The following ZBTB7C variants were observed in gnomAD, a reference collection of about 807,000 sequenced individuals.
ZBTB7C encodes the protein zinc finger and BTB domain-containing protein 7C.
In ZBTB7C, 8 loss-of-function variants were observed where a neutral mutation model predicts 25.7. The observed-to-expected ratio is 0.31, with a 90% CI of 0.18 to 0.56. The LOEUF (loss-of-function observed/expected upper bound fraction) is 0.56, where lower values mean the gene tolerates loss of function less well. Among genes scored for constraint, ZBTB7C ranks in the 20% least tolerant of loss-of-function variants. The pLI is 0.91. For synonymous variants in ZBTB7C, 394 were observed against 369.0 expected, an observed-to-expected ratio of 1.07 and a Z score of -0.78; for missense variants, 824 against 855.2, an observed-to-expected ratio of 0.96 and a Z score of 0.46.
intron 2 of ZBTB7C, among the ~76,000 whole-genome samples, chr18:48,288,871 T>C (rs1263393859): frequency 1.3e-5 from 2 of 152,222 alleles, no homozygotes; most frequent in African/African-American, 4.8e-5. Flanking sequence ...TTTATGGTAC[T>C]TTGTTACAGC....
At chr18:48,114,886 A>AT (rs2039375370) in intron 3 of ZBTB7C, among the ~76,000 whole-genome samples, 1 of 152,198 alleles carries the variant, frequency 6.6e-6, no homozygotes, top group South Asian at 2.1e-4. Flanking sequence ...ATAACTAACA[A>AT]TTTTTTTCCG....
At chr18:48,333,475 A>C (rs2046386593) in intron 2 of ZBTB7C, among the ~76,000 whole-genome samples, 1 of 152,204 alleles carries the variant, frequency 6.6e-6, no homozygotes, top group Admixed American at 6.5e-5. Flanking sequence ...ATGCCCATTT[A>C]ATAGAGGAGA....
At position 48,122,427 on chromosome 18, in the gene ZBTB7C, T is replaced by C. The variant is rs755503957; in HGVS notation, c.-17+63507A>G. Among the ~76,000 whole-genome samples the C allele has an allele frequency of 1.2e-4, 19 of 152,172 alleles. No homozygotes were observed. The East Asian group carries it at 3.3e-3, about 26-fold the overall frequency. Reference sequence around the variant, plus strand: ...GGCACACAGGTGCTGCAGTAGGGTATGAGGGAGGTGGAGGGCAGAGACTAT... The same window carrying C: ...GGCACACAGGTGCTGCAGTAGGGTACGAGGGAGGTGGAGGGCAGAGACTAT... On this transcript the variant is annotated intron_variant, in intron 3 of 4. Coordinates refer to ENST00000590800, the MANE Select transcript of ZBTB7C (RefSeq NM_001318841.2).
chr18:48,132,456 T>C (rs1051552294), intron 3 of ZBTB7C, among the ~76,000 whole-genome samples: 4 of 152,208 alleles, frequency 2.6e-5, no homozygotes, highest in African/African-American at 9.6e-5. Context: ...GTACAGTATT[T>C]CCTTTGGAGT....
At chr18:48,120,559 G>A (rs757430124) in intron 3 of ZBTB7C, among the ~76,000 whole-genome samples, 6 of 152,030 alleles carry the variant, frequency 3.9e-5, no homozygotes, top group Non-Finnish European at 7.4e-5. Flanking sequence ...GCAGTGAGCC[G>A]AGATCACGCC....
At chr18:48,262,315 G>A (rs2044194755) in intron 2 of ZBTB7C, among the ~76,000 whole-genome samples, 1 of 152,148 alleles carries the variant, frequency 6.6e-6, no homozygotes, top group Admixed American at 6.5e-5. Context: ...GAAGGATGAA[G>A]TACTTGGAAG....
intron 2 of ZBTB7C, among the ~76,000 whole-genome samples, chr18:48,334,996 C>T (rs529261689): frequency 1.8e-3 from 271 of 152,320 alleles, no homozygotes; most frequent in Non-Finnish European, 3.0e-3. Context: ...CTAGCTTCCC[C>T]TGTGGCAGAG....
Position 48,040,912 on chromosome 18 carries a change from C to T in ZBTB7C, c.196G>A (p.Gly66Ser), listed in dbSNP as rs752844492. The T allele has an allele frequency of 1.2e-5, 19 of 1,614,004 alleles. No individual in the cohort carries two copies. Among genetic ancestry groups the T allele is most frequent in the East Asian group, 4.5e-5 (2 of 44,874 alleles). ...SKYFKKLFTA[G>S]TLASQPYVYE... ...ACGTAGGGCTGGCTGGCTAGGGTGC[C>T]GGCTGTGAAAAGCTTCTTGAAGTAC... The change falls in exon 4 of 5, where the codon GGC becomes AGC. Residue 66 changes from glycine to serine, a missense_variant. By Grantham distance (56) the Gly-to-Ser change is moderately conservative. Coordinates refer to ENST00000590800, the MANE Select transcript of ZBTB7C (RefSeq NM_001318841.2).
intron 1 of ZBTB7C, among the ~76,000 whole-genome samples, chr18:48,389,230 CTCTCTCGTGTGTGT>C (rs1264454826): frequency 1.7e-3 from 137 of 78,734 alleles, no homozygotes; most frequent in East Asian, 9.0e-3. Flanking sequence ...CTCTCTCTCT[CTCTCTCGTGTGTGT>C]GTGTGTGTGT....
At chr18:48,389,950 T>C (rs1342829720) in intron 1 of ZBTB7C, among the ~76,000 whole-genome samples, 1 of 152,202 alleles carries the variant, frequency 6.6e-6, no homozygotes, top group African/African-American at 2.4e-5. Flanking sequence ...TTAGCTGGTG[T>C]CAGAGGATTT....
intron 1 of ZBTB7C, chr18:48,346,411 C>G (rs2046731794): frequency 6.6e-6 from 1 of 152,332 alleles, no homozygotes; most frequent in Non-Finnish European, 1.5e-5. Context: ...CTGCCTCAAG[C>G]CGCTTCCTGT....
At chr18:48,368,894 C>T (rs1338388958) in intron 1 of ZBTB7C, among the ~76,000 whole-genome samples, 1 of 152,092 alleles carries the variant, frequency 6.6e-6, no homozygotes, top group Non-Finnish European at 1.5e-5. Context: ...AATCTGTCAC[C>T]AACAGACTCA....
chr18:48,289,540 T>C (rs2045158053), intron 2 of ZBTB7C, among the ~76,000 whole-genome samples: 1 of 135,756 alleles, frequency 7.4e-6, no homozygotes, highest in Non-Finnish European at 1.6e-5. Flanking sequence ...TGTATTTACA[T>C]ATATATTCAT....
chr18:48,066,905 C>A (rs2037351148), intron 3 of ZBTB7C, among the ~76,000 whole-genome samples: 1 of 152,102 alleles, frequency 6.6e-6, no homozygotes, highest in Non-Finnish European at 1.5e-5. Flanking sequence ...AGTTTGGGAC[C>A]AGCCTGGGCA....
intron 3 of ZBTB7C, among the ~76,000 whole-genome samples, chr18:48,123,574 C>G (rs753986028): frequency 6.6e-6 from 1 of 152,252 alleles, no homozygotes; most frequent in Non-Finnish European, 1.5e-5. Context: ...CCTCCCTCCC[C>G]CTGCCTCTTG....
chr18:48,034,589 G>A (rs1425474627), intron 4 of ZBTB7C, among the ~76,000 whole-genome samples: 1 of 152,066 alleles, frequency 6.6e-6, no homozygotes, highest in East Asian at 1.9e-4. Flanking sequence ...GAGAACCTGT[G>A]GGATGCTCTT....
chr18:48,039,516 C>A lies in ZBTB7C; in HGVS notation c.1208+384G>T, dbSNP rs143109825. ...AAGGTCAGTGGCTGCTTCTCCAAAT[C>A]AAACAAAGGGGCGGCACTCCATCTG... is the stretch of plus-strand genomic sequence containing the variant. On this transcript the variant is annotated intron_variant, in intron 4 of 4. Coordinates refer to ENST00000590800, the MANE Select transcript of ZBTB7C (RefSeq NM_001318841.2). Among the ~76,000 whole-genome samples the A allele has an allele frequency of 7.9e-3, 1,197 of 152,300 alleles. 20 individuals are homozygous for A. The highest frequency in any genetic ancestry group is 0.028 in the African/African-American group (1,151 of 41,552).
intron 2 of ZBTB7C, among the ~76,000 whole-genome samples, chr18:48,297,550 G>C (rs538538119): frequency 6.6e-6 from 1 of 152,054 alleles, no homozygotes; most frequent in South Asian, 2.1e-4. Context: ...TGCCATGTTC[G>C]TCTGGAACAT....
chr18:48,377,374 G>C (rs1292637098), intron 1 of ZBTB7C, among the ~76,000 whole-genome samples: 1 of 152,186 alleles, frequency 6.6e-6, no homozygotes, highest in African/African-American at 2.4e-5. Context: ...AAGTCTATGT[G>C]AACTCAGGAG....
Sources: allele counts gnomAD v4.1 joint callset (sites outside exome capture counted in the v4.1 genomes callset), GRCh38; gene constraint gnomAD v4.1.1; transcripts MANE v1.5; gene names NCBI Gene and HGNC (gene_info 2026-07-23, HGNC 2026-07-21).